TTC16: variants seen among roughly 807,000 people sequenced by gnomAD.
TTC16 encodes the protein tetratricopeptide repeat protein 16.
A neutral mutation model predicts 80.4 loss-of-function variants in TTC16; 66 were observed. The observed-to-expected ratio is 0.82, with a 90% CI of 0.67 to 1.01. TTC16 has a LOEUF of 1.01. Among genes scored for constraint, TTC16 ranks in the 50% least tolerant of loss-of-function variants. TTC16 has a pLI of 0.00. For synonymous variants in TTC16, 438 were observed against 451.3 expected, an observed-to-expected ratio of 0.97 and a Z score of 0.37; for missense variants, 1,070 against 1,103.2, an observed-to-expected ratio of 0.97 and a Z score of 0.43.
rs1038550654 is a variant in TTC16, at chr9:127,716,292, G to A, written c.18+129G>A. The A allele has an allele frequency of 9.6e-6, 13 of 1,358,736 alleles. No individual in the cohort carries two copies. In the East Asian group the frequency reaches 2.5e-4, roughly 27 times the overall value. 84.2% of individuals were successfully genotyped at this position (1,358,736 alleles called of 1,614,324 possible). A position where few individuals can be genotyped will look rare whatever the true frequency, so the allele number is the denominator to read the frequency against. On this transcript the variant is annotated intron_variant, in intron 1 of 13. Transcript: ENST00000373289. ...GTCCGACTCAGGGAAGGCCCTGGCC[G>A]CCATGCCAAGAACCAGGCATGTGAA...
At position 127,717,702 on chromosome 9, in the gene TTC16, G is replaced by A. The variant is rs78007177; in HGVS notation, c.356G>A (p.Arg119Gln). 7,101 of 1,613,942 alleles carry A rather than the reference G, an allele frequency of 4.4e-3. 30 individuals carry two copies. The highest frequency in any genetic ancestry group is 5.2e-3 in the Non-Finnish European group (6,129 of 1,180,016). Residue 119 changes from arginine (R) to glutamine (Q), a missense_variant, in exon 4 of 14, where the codon CGA (arginine) becomes CAA (glutamine). Transcript: ENST00000373289. ...CDFSSAAQNL[R>Q]RAYSLQQDNC... ...TTCTCCTCGGCCGCCCAGAACCTGC[G>A]AAGGGCCTACTCATTACAGCAGGAC...
chr9:127,723,450 A>G (rs2131648561), intron 7 of TTC16, 117 bp downstream of exon 7: 2 of 1,000,714 alleles, frequency 2.0e-6, no homozygotes, highest in East Asian at 5.2e-5. Context: ...GCTAGCCTCT[A>G]ACAGTCTTTC....
At position 127,723,969 on chromosome 9, in the gene TTC16, G is replaced by A. The variant is rs184791466; in HGVS notation, c.873-151G>A. The A allele has an allele frequency of 1.8e-4, 208 of 1,154,332 alleles. No individual in the cohort carries two copies. The Admixed American group carries it at 2.2e-3, about 12-fold the overall frequency. 71.5% of individuals were successfully genotyped at this position (1,154,332 alleles called of 1,614,324 possible). The stretch of plus-strand genomic sequence containing the variant: ...AGTAGCAGTCCAGAGCTGGCCCCAC[G>A]GGACAAACCTAGCAAATGAGGTGGG... On this transcript the variant is annotated intron_variant, in intron 7 of 13. Transcript: ENST00000373289.
At chr9:127,723,885 C>T (rs1194112007) in intron 7 of TTC16, among the ~76,000 whole-genome samples, 1 of 136,630 alleles carries the variant, frequency 7.3e-6, no homozygotes, top group African/African-American at 2.9e-5. Context: ...ACCTGGCTCC[C>T]AAAAAAGAAG....
Position 127,723,167 on chromosome 9 carries a change from A to G in TTC16, c.706A>G (p.Lys236Glu). The change falls in exon 7 of 14, where the codon AAG becomes GAG. Residue 236 changes from lysine to glutamate, a missense_variant. Physicochemically the swap from Lys to Glu is moderately conservative, Grantham distance 56 (BLOSUM62 1). Transcript: ENST00000373289. ...DLHSALLLNP[K>E]HPQARMLLQK... ...GCACAGCGCCTTGCTGTTGAATCCC[A>G]AGCACCCGCAGGCCAGGATGCTGCT... The G allele has an allele frequency of 6.2e-7, 1 of 1,612,660 alleles. No homozygotes were observed.
chr9:127,730,670 G>T lies in TTC16; in HGVS notation c.1887G>T (p.Ser629=), dbSNP rs201414083. 2 of 1,612,998 alleles carry T rather than the reference G, an allele frequency of 1.2e-6. No individual in the cohort carries two copies. Among genetic ancestry groups the T allele is most frequent in the African/African-American group, 2.7e-5 (2 of 75,046 alleles). Residue 629 remains serine, a synonymous_variant, in exon 14 of 14, where the codon TCG becomes TCT. Transcript: ENST00000373289. ...CAGGCACCTCAGAGACTGAGATGTC[G>T]GCTATCTGCCAGGAATACAGGAGCA... ...RTTGTSETEM[S]AICQEYRSTS...
At chr9:127,727,185 T>G (rs1588454810) in intron 11 of TTC16, 73 bp downstream of exon 11, 1 of 1,518,300 alleles carries the variant, frequency 6.6e-7, no homozygotes, top group Non-Finnish European at 8.8e-7. Flanking sequence ...TGGCTCCAGC[T>G]GCATGACGGG....
intron 1 of TTC16, 162 bp downstream of exon 1, chr9:127,716,325 T>C (rs912441955): frequency 1.1e-5 from 12 of 1,087,484 alleles, no homozygotes; most frequent in Admixed American, 4.2e-5. Flanking sequence ...GAAAGATCCT[T>C]GTAAGGCTCG....
At chr9:127,716,605 G>A (rs955291240) in intron 1 of TTC16, 12 of 585,970 alleles carry the variant, frequency 2.0e-5, no homozygotes, top group Non-Finnish European at 3.6e-5. Context: ...TTGTAAGCAT[G>A]AGGACCCTGA....
In TTC16 at chr9:127,716,248, G is replaced by A. The variant is rs535659570; in HGVS notation, c.18+85G>A. ...GGGTTCGCAGGAAAGGGTGAAGGCCGGGAGAGGCAGGGGCAGCAGTCCGAC... is the reference window on the plus strand; with the variant it reads ...GGGTTCGCAGGAAAGGGTGAAGGCCAGGAGAGGCAGGGGCAGCAGTCCGAC... On this transcript the variant is annotated intron_variant, in intron 1 of 13. Transcript: ENST00000373289. 7.6e-6 allele frequency: 12 copies of A among 1,585,150 alleles called. No individual in the cohort carries two copies. In the South Asian group the frequency reaches 1.3e-4, roughly 18 times the overall value.
intron 9 of TTC16, among the ~76,000 whole-genome samples, chr9:127,725,901 A>G (rs564721634): frequency 6.6e-6 from 1 of 152,218 alleles, no homozygotes; most frequent in South Asian, 2.1e-4. Context: ...TGCCCGGCCT[A>G]TACTGCTTTT....
At chr9:127,729,352 G>T in intron 12 of TTC16, 2 of 506,742 alleles carry the variant, frequency 3.9e-6, no homozygotes, top group South Asian at 5.1e-5. Flanking sequence ...GGCGCTAGCA[G>T]CTCCTTCAAC....
chr9:127,723,917 A>AAAG (rs1843691585), intron 7 of TTC16, among the ~76,000 whole-genome samples: 1 of 151,746 alleles, frequency 6.6e-6, no homozygotes, highest in African/African-American at 2.4e-5. Flanking sequence ...AAAAAAAAAA[A>AAAG]ATGCTCAGTG....
intron 9 of TTC16, 106 bp downstream of exon 9, chr9:127,725,003 G>T (rs113106236): frequency 1.5e-6 from 2 of 1,336,716 alleles, no homozygotes; most frequent in African/African-American, 1.5e-5. Context: ...TTCTCTCCTC[G>T]GGGGCGATGG....
rs747057974 is a variant in TTC16, at chr9:127,724,179, TGCTGGACATGGTGACCGAGGACCA to T, written c.934_957del (p.Leu312_Gln319del). On this transcript the variant is annotated inframe_deletion, in exon 8 of 14. Transcript: ENST00000373289. ...GGGGCAGTGGAGGACTTCCTGAAGGTGCTGGACATGGTGACCGAGGACCAGGAGGACATGGTGCGGCAGGCACAG... is the reference window on the plus strand; with the variant it reads ...GGGGCAGTGGAGGACTTCCTGAAGGTGGAGGACATGGTGCGGCAGGCACAG... The T allele has an allele frequency of 6.2e-7, 1 of 1,613,082 alleles. No individual in the cohort carries two copies. Among genetic ancestry groups the T allele is most frequent in the East Asian group, 2.2e-5 (1 of 44,856 alleles).
chr9:127,724,096 C>T (rs760718109), intron 7 of TTC16, 24 bp from the exon 8 acceptor site: 11 of 1,535,378 alleles, frequency 7.2e-6, no homozygotes, highest in East Asian at 4.6e-5. Context: ...TCCCTCCTGC[C>T]GTCTCCCACG....
Position 127,731,058 on chromosome 9 carries a change from C to G in TTC16, c.2275C>G (p.Pro759Ala), listed in dbSNP as rs765698947. Residue 759 changes from proline (P) to alanine (A), a missense_variant, in exon 14 of 14, where the codon CCC becomes GCC. Pro to Ala is a conservative substitution (Grantham distance 27). Coordinates refer to ENST00000373289, the MANE Select transcript of TTC16 (RefSeq NM_144965.3). ...GGCCACCCAGGGCCCAAGGCAGGAG[C>G]CCAGCAAGACCAAGACCACCCGGAG... ...IEATQGPRQE[P>A]SKTKTTRSPR... The G allele has an allele frequency of 3.3e-5, 53 of 1,612,426 alleles. No homozygotes were observed. The Middle Eastern group carries it at 9.9e-4, about 30-fold the overall frequency.
rs958378001 is a variant in TTC16 at position 127,730,697 on chromosome 9, C to G, written c.1914C>G (p.Thr638=). 6 of 1,613,312 alleles carry G rather than the reference C, an allele frequency of 3.7e-6. No individual in the cohort carries two copies. Among genetic ancestry groups the G allele is most frequent in the Non-Finnish European group, 5.1e-6 (6 of 1,180,040 alleles). The change falls in exon 14 of 14, where the codon ACC becomes ACG. Residue 638 remains threonine, a synonymous_variant. Transcript: ENST00000373289. Reference sequence around the variant, plus strand: ...CTATCTGCCAGGAATACAGGAGCACCTCAGCCACCGCCGTGACATTCTCTG... The same window carrying G: ...CTATCTGCCAGGAATACAGGAGCACGTCAGCCACCGCCGTGACATTCTCTG... ...MSAICQEYRS[T]SATAVTFSDS...
At position 127,724,846 on chromosome 9, in the gene TTC16, C is replaced by A. The variant is rs541115913; in HGVS notation, c.1208C>A (p.Thr403Lys). The change falls in exon 9 of 14, where the codon ACG (threonine) becomes AAG (lysine). Residue 403 changes from threonine to lysine, a missense_variant. Transcript: ENST00000373289. ...AGCCCTCAGGACGAGGGCGCCAACACGCGCATGGGCCTGCTGCAGGAGAAG... is the reference window on the plus strand; with the variant it reads ...AGCCCTCAGGACGAGGGCGCCAACAAGCGCATGGGCCTGCTGCAGGAGAAG... ...ALSPQDEGAN[T>K]RMGLLQEKMG... is the part of the protein sequence containing the mutation. The A allele has an allele frequency of 3.5e-5, 56 of 1,594,534 alleles. No individual in the cohort carries two copies. In the South Asian group the frequency reaches 5.9e-4, roughly 17 times the overall value.
Sources: allele counts gnomAD v4.1 joint callset (sites outside exome capture counted in the v4.1 genomes callset), GRCh38; gene constraint gnomAD v4.1.1; transcripts MANE v1.5; gene names NCBI Gene and HGNC (gene_info 2026-07-23, HGNC 2026-07-21).